Variants in ZNF888 observed in about 807,000 individuals in gnomAD.
The protein encoded by ZNF888 is zinc finger protein 888, also known as CTD-2331H12.6.
Under a neutral mutation model 7.2 loss-of-function variants are expected in ZNF888, and 5 were observed. That is an observed-to-expected ratio of 0.70 (90% CI 0.36 to 1.46). The LOEUF (loss-of-function observed/expected upper bound fraction) is 1.46. Among genes scored for constraint, ZNF888 ranks in the 40% most tolerant of loss-of-function variants. ZNF888 has a pLI of 0.03. For missense variants in ZNF888, 716 were observed against 858.0 expected, an observed-to-expected ratio of 0.83 and a Z score of 2.07; for synonymous variants, 240 against 284.3, an observed-to-expected ratio of 0.84 and a Z score of 1.57.
chr19:52,918,584 C>T (rs550979501), intron 2 of ZNF888, among the ~76,000 whole-genome samples: 21 of 152,148 alleles, frequency 1.4e-4, no homozygotes, highest in African/African-American at 3.6e-4. Context: ...TCCTGGCCAA[C>T]GTGGTGAAAC....
At chr19:52,908,940 A>G (rs887340479) in intron 4 of ZNF888, among the ~76,000 whole-genome samples, 7 of 151,484 alleles carry the variant, frequency 4.6e-5, no homozygotes, top group African/African-American at 1.7e-4. Flanking sequence ...TCAGATCAGG[A>G]GTATGACCAG....
At chr19:52,921,149 C>T (rs1192398085) in intron 1 of ZNF888, among the ~76,000 whole-genome samples, 1 of 152,024 alleles carries the variant, frequency 6.6e-6, no homozygotes, top group East Asian at 1.9e-4. Flanking sequence ...AAGAGCAGGA[C>T]AATGACCTGA....
intron 2 of ZNF888, 120 bp from the exon 3 acceptor site, chr19:52,918,051 C>A (rs538963616): frequency 1.4e-6 from 2 of 1,457,264 alleles, no homozygotes; most frequent in Non-Finnish European, 1.8e-6. Context: ...ATATGGTCCA[C>A]TCTGCTGCCC....
At chr19:52,913,647 A>T in intron 4 of ZNF888, 1 of 903,016 alleles carries the variant, frequency 1.1e-6, no homozygotes. Context: ...TTTAAGTTTC[A>T]TTATTATACT....
chr19:52,921,906 G>T (rs369816189), intron 1 of ZNF888, among the ~76,000 whole-genome samples: 1 of 152,094 alleles, frequency 6.6e-6, no homozygotes, highest in African/African-American at 2.4e-5. Flanking sequence ...TTCAGCCTGG[G>T]CAACAAGAGC....
At chr19:52,914,053 A>C (rs545803554) in intron 4 of ZNF888, among the ~76,000 whole-genome samples, 2 of 152,346 alleles carry the variant, frequency 1.3e-5, no homozygotes, top group South Asian at 4.1e-4. Context: ...TGAGCCCAAA[A>C]GGCGGAGGCT....
intron 3 of ZNF888, among the ~76,000 whole-genome samples, chr19:52,916,609 C>T (rs942179746): frequency 6.4e-4 from 38 of 59,536 alleles, no homozygotes; most frequent in East Asian, 3.8e-3. Flanking sequence ...CATACATATA[C>T]ATATACATAT....
intron 1 of ZNF888, 41 bp downstream of exon 1, chr19:52,923,328 C>T: frequency 1.0e-6 from 1 of 985,750 alleles, no homozygotes; most frequent in Non-Finnish European, 1.2e-6. Flanking sequence ...TTGCCGGGGA[C>T]CTGGAGGCAC....
At chr19:52,917,717 A>G in intron 3 of ZNF888, 142 bp downstream of exon 3, 1 of 1,456,230 alleles carries the variant, frequency 6.9e-7, no homozygotes. Flanking sequence ...AGGTGAGATG[A>G]GAGGGACTGA....
In ZNF888 at chr19:52,907,185, C is replaced by T. The variant is rs1430541911; in HGVS notation, c.1137G>A (p.Glu379=). ...LERHRRIHTG[E]KPYKCKVCDK... is the part of the protein sequence containing the mutation. ...CACAAACCTTACATTTGTATGGTTT[C>T]TCACCAGTGTGAATTCTCCTATGTC... Residue 379 remains glutamate (E), a synonymous_variant, in exon 5 of 5, where the codon GAG becomes GAA. Coordinates refer to ENST00000638862, the MANE Select transcript of ZNF888 (RefSeq NM_001393938.1). The T allele has an allele frequency of 5.0e-6, 8 of 1,613,200 alleles. No homozygotes were observed. In the East Asian group the frequency reaches 1.8e-4, roughly 36 times the overall value.
intron 3 of ZNF888, among the ~76,000 whole-genome samples, chr19:52,916,615 C>CATATACATATACATATACATATATAT (rs374760326): frequency 8.7e-4 from 114 of 131,392 alleles, no homozygotes; most frequent in African/African-American, 3.2e-3. Flanking sequence ...TATACATATA[C>CATATACATATACATATACATATATAT]ATATATATAT....
intron 4 of ZNF888, among the ~76,000 whole-genome samples, chr19:52,910,877 C>T (rs969563270): frequency 2.0e-5 from 3 of 152,114 alleles, no homozygotes; most frequent in Admixed American, 6.6e-5. Context: ...GATTCTCCTA[C>T]CTCAAGTGAT....
At chr19:52,916,806 T>A (rs1246321205) in intron 3 of ZNF888, among the ~76,000 whole-genome samples, 1 of 151,794 alleles carries the variant, frequency 6.6e-6, no homozygotes, top group Non-Finnish European at 1.5e-5. Context: ...TTCAACTGCC[T>A]GGCCTGGAGG....
chr19:52,907,490 C>A lies in ZNF888; in HGVS notation c.832G>T (p.Val278Phe). 6.2e-7 allele frequency: 1 copy of A among 1,603,624 alleles called. No homozygotes were observed. ...GCAAGGTATGCTTTTTTATTAAAAA[C>A]CTTGCCACATTTATTACACATGTAA... ...KPYMCNKCGK[V>F]FNKKAYLARH... The change falls in exon 5 of 5, where the codon GTT (valine) becomes TTT (phenylalanine). Residue 278 changes from valine (V) to phenylalanine (F), a missense_variant. Coordinates refer to ENST00000638862, the MANE Select transcript of ZNF888 (RefSeq NM_001393938.1).
chr19:52,909,798 A>G (rs768845804), intron 4 of ZNF888, among the ~76,000 whole-genome samples: 2 of 152,212 alleles, frequency 1.3e-5, no homozygotes, highest in Non-Finnish European at 2.9e-5. Context: ...ACATAAGAAC[A>G]GAAATACATG....
intron 4 of ZNF888, among the ~76,000 whole-genome samples, chr19:52,908,844 C>CAAAA (rs11326533): frequency 9.8e-5 from 8 of 81,224 alleles, no homozygotes; most frequent in Admixed American, 2.9e-4. Context: ...AGACTCGAGT[C>CAAAA]AAAAAAAAAA....
chr19:52,922,174 A>G (rs920584672), intron 1 of ZNF888, among the ~76,000 whole-genome samples: 3 of 151,850 alleles, frequency 2.0e-5, no homozygotes, highest in Non-Finnish European at 2.9e-5. Context: ...AATTAGCTGG[A>G]CTCCATCCAC....
chr19:52,908,100 T>C lies in ZNF888; in HGVS notation c.222A>G (p.Gln74=). The change falls in exon 5 of 5, where the codon CAA becomes CAG. Residue 74 remains glutamine (Q), a synonymous_variant. Coordinates refer to ENST00000638862, the MANE Select transcript of ZNF888 (RefSeq NM_001393938.1). ...CTCCAATGTGATGACTTGCCAGTCT[T>C]TGCAATGTCCCTGTGTGGATCACTT... ...NTEVIHTGTL[Q]RLASHHIGEC... 2.5e-6 allele frequency: 4 copies of C among 1,614,182 alleles called. No homozygotes were observed. Among genetic ancestry groups the C allele is most frequent in the Non-Finnish European group, 3.4e-6 (4 of 1,180,038 alleles).
At chr19:52,915,955 A>T (rs1441160093) in intron 3 of ZNF888, among the ~76,000 whole-genome samples, 1 of 152,304 alleles carries the variant, frequency 6.6e-6, no homozygotes, top group African/African-American at 2.4e-5. Flanking sequence ...GAGACAGAGC[A>T]TGAGTGATGT....
Sources: gnomAD v4.1 joint callset for allele counts (sites outside exome capture counted in the v4.1 genomes callset) on GRCh38, gnomAD v4.1.1 for gene constraint, MANE v1.5 for transcripts, NCBI Gene and HGNC (gene_info 2026-07-23, HGNC 2026-07-21) for gene names.